MTNR1A: variants seen among roughly 807,000 people sequenced by gnomAD.
MTNR1A encodes the protein melatonin receptor 1A, also known as melatonin receptor type 1A.
MTNR1A carries 7 observed loss-of-function variants against 5.5 expected under a neutral mutation model. The observed-to-expected ratio is 1.28, with a 90% CI of 0.73 to 2.40. The LOEUF is 2.40. MTNR1A is among the 30% of genes most tolerant of loss of function. The pLI, the probability that MTNR1A is intolerant of heterozygous loss-of-function variation, is 0.00. For missense variants in MTNR1A, 441 were observed against 464.4 expected (o/e 0.95, Z 0.46); for synonymous variants, 196 against 202.7 (o/e 0.97, Z 0.28).
At chr4:186,542,171 C>T (rs991383933) in intron 1 of MTNR1A, among the ~76,000 whole-genome samples, 2 of 152,138 alleles carry the variant, frequency 1.3e-5, no homozygotes, top group African/African-American at 4.8e-5. Context: ...GGAGATAACA[C>T]CAGCGGAGCA....
At chr4:186,549,792 T>C (rs13138771) in intron 1 of MTNR1A, among the ~76,000 whole-genome samples, 133,734 of 152,126 alleles carry the variant, frequency 0.88, 59,142 homozygotes, top group East Asian at 0.94. Context: ...TTGACAAACC[T>C]GCAAAAATTT....
Position 186,533,856 on chromosome 4 carries a change from C to T in MTNR1A, c.886G>A (p.Gly296Arg), listed in dbSNP as rs1483013458. Residue 296 changes from glycine (G) to arginine (R), a missense_variant, in exon 2 of 2, where the codon GGG becomes AGG. By Grantham distance (125) the Gly-to-Arg change is moderately radical. Transcript: ENST00000307161. ...TTCCTGAAATTTTGGTTCAGTAGCC[C>T]GTATATAATGGCATTGAGGCAGCTG... ...FNSCLNAIIY[G>R]LLNQNFRKEY... 13 of 1,613,954 alleles carry T rather than the reference C, an allele frequency of 8.1e-6. No homozygotes were observed. In the East Asian group the frequency reaches 8.9e-5, roughly 11 times the overall value.
intron 1 of MTNR1A, among the ~76,000 whole-genome samples, chr4:186,540,474 T>C (rs149946819): frequency 2.7e-3 from 417 of 152,366 alleles, no homozygotes; most frequent in African/African-American, 9.7e-3. Flanking sequence ...AGATGACTCA[T>C]AACACAGACC....
intron 1 of MTNR1A, among the ~76,000 whole-genome samples, chr4:186,541,802 A>T (rs1737030877): frequency 6.6e-6 from 1 of 152,186 alleles, no homozygotes; most frequent in African/African-American, 2.4e-5. Context: ...GTCCTGTGGA[A>T]AAATTGTCTT....
intron 1 of MTNR1A, among the ~76,000 whole-genome samples, chr4:186,554,888 A>C (rs1274540776): frequency 6.6e-6 from 1 of 152,234 alleles, no homozygotes; most frequent in African/African-American, 2.4e-5. Flanking sequence ...TGCAGCCTGG[A>C]CCTGAGGCTT....
At chr4:186,547,057 C>T (rs1334103504) in intron 1 of MTNR1A, among the ~76,000 whole-genome samples, 4 of 108,196 alleles carry the variant, frequency 3.7e-5, no homozygotes, top group East Asian at 3.3e-4. Context: ...TGGGACACAC[C>T]GTCCACACCA....
At position 186,555,108 on chromosome 4, in the gene MTNR1A, T is replaced by TG; in HGVS notation, c.184+73dup. On this transcript the variant is annotated intron_variant, in intron 1 of 1. Coordinates refer to ENST00000307161, the MANE Select transcript of MTNR1A (RefSeq NM_005958.4). This position sits in a 1 kb window ranked among gnomAD's most constrained non-coding sequence, Gnocchi z 4.1. ...TGTTTAGGAAAAAGAACCAAGTGCTTGGGGAAGGCTGGCTGCCCGCGGAGA... is the reference window on the plus strand; with the variant it reads ...TGTTTAGGAAAAAGAACCAAGTGCTTGGGGGAAGGCTGGCTGCCCGCGGAGA... The TG allele has an allele frequency of 6.9e-7, 1 of 1,456,490 alleles. No homozygotes were observed. Among genetic ancestry groups the TG allele is most frequent in the Non-Finnish European group, 9.4e-7 (1 of 1,061,834 alleles). 90.2% of individuals were successfully genotyped at this position (1,456,490 alleles called of 1,614,324 possible).
intron 1 of MTNR1A, among the ~76,000 whole-genome samples, chr4:186,546,264 G>T (rs534200472): frequency 6.6e-6 from 1 of 152,128 alleles, no homozygotes; most frequent in Admixed American, 6.5e-5. Flanking sequence ...CCTGGCTAGG[G>T]AGGATCCTCC....
intron 1 of MTNR1A, among the ~76,000 whole-genome samples, chr4:186,537,435 A>G (rs1433823504): frequency 3.3e-5 from 5 of 152,348 alleles, no homozygotes; most frequent in Middle Eastern, 3.4e-3. Context: ...ATTTTTACAG[A>G]TATCCAGGAC....
At chr4:186,551,730 C>G (rs1737270358) in intron 1 of MTNR1A, among the ~76,000 whole-genome samples, 1 of 152,046 alleles carries the variant, frequency 6.6e-6, no homozygotes, top group Non-Finnish European at 1.5e-5. Flanking sequence ...GAGACTTGAA[C>G]CAGATCTCTG....
In MTNR1A at chr4:186,555,261, G is replaced by A; in HGVS notation, c.105C>T (p.Ile35=). Residue 35 remains isoleucine (I), a synonymous_variant, in exon 1 of 2, where the codon ATC becomes ATT. Coordinates refer to ENST00000307161, the MANE Select transcript of MTNR1A (RefSeq NM_005958.4). This position sits in a 1 kb window ranked among gnomAD's most constrained non-coding sequence, Gnocchi z 4.1. ...WLASALACVL[I]FTIVVDILGN... ...CCAGGATGTCCACCACGATGGTGAA[G>A]ATGAGGACGCAGGCCAGGGCGGACG... is the stretch of plus-strand genomic sequence containing the variant. 3 of 1,564,612 alleles carry A rather than the reference G, an allele frequency of 1.9e-6. No homozygotes were observed. Among genetic ancestry groups the A allele is most frequent in the Non-Finnish European group, 2.6e-6 (3 of 1,155,754 alleles).
At chr4:186,548,039 G>A (rs140853807) in intron 1 of MTNR1A, among the ~76,000 whole-genome samples, 193 of 152,110 alleles carry the variant, frequency 1.3e-3, no homozygotes, top group Non-Finnish European at 1.8e-3. Flanking sequence ...ACCTTTATTC[G>A]TCTTAGAGAA....
At chr4:186,551,488 T>G (rs1004740807) in intron 1 of MTNR1A, among the ~76,000 whole-genome samples, 1 of 152,116 alleles carries the variant, frequency 6.6e-6, no homozygotes, top group Non-Finnish European at 1.5e-5. Flanking sequence ...GTACTAGCAT[T>G]AACATCATAA....
chr4:186,543,574 C>T (rs1462027626), intron 1 of MTNR1A, among the ~76,000 whole-genome samples: 1 of 152,172 alleles, frequency 6.6e-6, no homozygotes, highest in Admixed American at 6.6e-5. Flanking sequence ...TGTCTCTTTC[C>T]CTCTGCTATT....
At chr4:186,534,634 G>A (rs973713727) in intron 1 of MTNR1A, 77 bp from the exon 2 acceptor site, 7 of 1,545,638 alleles carry the variant, frequency 4.5e-6, no homozygotes, top group Non-Finnish European at 6.2e-6. Context: ...TAAAGAAGGA[G>A]CTGCTTCTGC....
rs775878493 is a variant in MTNR1A, at chr4:186,533,822, C to T, written c.920G>A (p.Arg307Lys). The stretch of plus-strand genomic sequence containing the variant: ...TGTACAGAGCGAGACTATAATTCTC[C>T]TGTATTCCTTCCTGAAATTTTGGTT... ...LLNQNFRKEY[R>K]RIIVSLCTAR... Residue 307 changes from arginine to lysine, a missense_variant, in exon 2 of 2, where the codon AGG (arginine) becomes AAG (lysine). Transcript: ENST00000307161. 8 of 1,614,076 alleles carry T rather than the reference C, an allele frequency of 5.0e-6. No homozygotes were observed. In the African/African-American group the frequency reaches 8.0e-5, roughly 16 times the overall value.
intron 1 of MTNR1A, among the ~76,000 whole-genome samples, chr4:186,542,821 G>T (rs544845213): frequency 6.6e-6 from 1 of 152,306 alleles, no homozygotes; most frequent in Non-Finnish European, 1.5e-5. Context: ...TCATTAAACT[G>T]GAAATTGAGG....
chr4:186,553,806 C>T (rs1737312304), intron 1 of MTNR1A, among the ~76,000 whole-genome samples: 2 of 152,216 alleles, frequency 1.3e-5, no homozygotes, highest in Admixed American at 1.3e-4. Flanking sequence ...GCCATCGCGC[C>T]CAGCCGTGAA....
At chr4:186,534,673 G>A (rs546265326) in intron 1 of MTNR1A, 116 bp from the exon 2 acceptor site, 10 of 1,283,392 alleles carry the variant, frequency 7.8e-6, no homozygotes, top group African/African-American at 1.5e-5. Context: ...TCACAGCGGC[G>A]GCCGCACTGC....
Sources: allele counts gnomAD v4.1 joint callset (sites outside exome capture counted in the v4.1 genomes callset), GRCh38; gene constraint gnomAD v4.1.1; non-coding constraint Gnocchi (gnomAD v3.1); transcripts MANE v1.5; gene names NCBI Gene and HGNC (gene_info 2026-07-23, HGNC 2026-07-21).